Variants in OPHN1 observed in about 807,000 individuals in gnomAD.
The protein encoded by OPHN1 is oligophrenin-1.
A neutral mutation model predicts 60.7 loss-of-function variants in OPHN1; 11 were observed. The ratio of observed to expected loss-of-function variants is 0.18; its 90% confidence interval spans 0.11 to 0.30. OPHN1 has a LOEUF of 0.30. Among genes scored for constraint, OPHN1 ranks in the 10% least tolerant of loss-of-function variants. The probability of loss-of-function intolerance (pLI) is 1.00; values close to 1 mark genes in which losing one functional copy is unlikely to be tolerated. For missense variants in OPHN1, 449 were observed against 611.0 expected (o/e 0.73, Z 2.80); for synonymous variants, 226 against 222.6 (o/e 1.02, Z -0.14).
chrX:68,320,165 C>A (rs1041606865), intron 2 of OPHN1, among the ~76,000 whole-genome samples: 6 of 110,691 alleles, frequency 5.4e-5, no homozygotes, highest in African/African-American at 2.0e-4. Flanking sequence ...GCCTGGCCAA[C>A]ATGGCAAAAC....
intron 6 of OPHN1, among the ~76,000 whole-genome samples, chrX:68,224,229 G>A (rs2077678403): frequency 9.0e-6 from 1 of 111,688 alleles, no homozygotes; most frequent in Non-Finnish European, 1.9e-5. Flanking sequence ...AAATCTAAAA[G>A]AATAGAAATC....
chrX:68,078,080 C>T (rs2076960041), intron 19 of OPHN1, among the ~76,000 whole-genome samples: 1 of 111,624 alleles, frequency 9.0e-6, no homozygotes, highest in African/African-American at 3.3e-5. Flanking sequence ...TCCCCCTTCT[C>T]TCTCTCTCTC....
At chrX:68,257,185 G>C (rs1188804944) in intron 5 of OPHN1, among the ~76,000 whole-genome samples, 1 of 112,145 alleles carries the variant, frequency 8.9e-6, no homozygotes, top group Non-Finnish European at 1.9e-5. Context: ...TCATTACAAT[G>C]GTCTGGAACT....
intron 2 of OPHN1, among the ~76,000 whole-genome samples, chrX:68,426,893 A>C (rs2078861710): frequency 1.1e-5 from 1 of 88,515 alleles, no homozygotes; most frequent in African/African-American, 5.6e-5. Flanking sequence ...AAAACAAACA[A>C]AAAAAAAAAA....
intron 19 of OPHN1, among the ~76,000 whole-genome samples, chrX:68,088,824 C>G (rs750320004): frequency 1.2e-4 from 13 of 110,271 alleles, no homozygotes; most frequent in African/African-American, 3.6e-4. Context: ...GGTAAACTGG[C>G]TTGTTTAGAT....
intron 15 of OPHN1, among the ~76,000 whole-genome samples, chrX:68,186,861 T>G (rs1198129553): frequency 9.0e-6 from 1 of 111,452 alleles, no homozygotes; most frequent in East Asian, 2.8e-4. Context: ...CCTTATGATC[T>G]TATTCAACCC....
intron 2 of OPHN1, among the ~76,000 whole-genome samples, chrX:68,317,935 A>C (rs2078217153): frequency 9.0e-6 from 1 of 111,428 alleles, no homozygotes; most frequent in Non-Finnish European, 1.9e-5. Context: ...ACAAAAAACT[A>C]TACATTGAAC....
chrX:68,347,143 T>C (rs905019953), intron 2 of OPHN1, among the ~76,000 whole-genome samples: 12 of 111,417 alleles, frequency 1.1e-4, no homozygotes, highest in Non-Finnish European at 1.9e-4. Context: ...CTGAGGCTCC[T>C]GCTAGTACCT....
chrX:68,145,076 G>C (rs951823882), intron 15 of OPHN1, among the ~76,000 whole-genome samples: 9 of 111,648 alleles, frequency 8.1e-5, no homozygotes, highest in African/African-American at 2.9e-4. Flanking sequence ...GAAATAATTA[G>C]ATCTAATAAG....
chrX:68,111,985 T>C lies in OPHN1; in HGVS notation c.1421-26A>G, dbSNP rs772442992. On this transcript the variant is annotated intron_variant, in intron 17 of 24. Transcript: ENST00000355520. ...CTGGGATAGAACAGTAAGAGATAAA[T>C]GGTTTGGCTTTCTGGGCAACTGGAT... 5 of 1,079,762 alleles carry C rather than the reference T, an allele frequency of 4.6e-6. No individual in the cohort carries two copies. The East Asian group carries it at 1.5e-4, about 33-fold the overall frequency. The allele number at this position is 1,079,762 out of a possible 1,213,427, so 89.0% of individuals were successfully genotyped here.
intron 5 of OPHN1, among the ~76,000 whole-genome samples, chrX:68,271,381 A>G (rs866979945): frequency 2.8e-4 from 30 of 108,303 alleles, no homozygotes; most frequent in African/African-American, 8.8e-4. Flanking sequence ...CAAAAAAAAA[A>G]AAAAAATTAG....
intron 2 of OPHN1, among the ~76,000 whole-genome samples, chrX:68,415,225 G>T (rs758027642): frequency 9.0e-6 from 1 of 111,667 alleles, no homozygotes; most frequent in Non-Finnish European, 1.9e-5. Context: ...GATTTTGGAG[G>T]CCAGATTGCT....
intron 2 of OPHN1, among the ~76,000 whole-genome samples, chrX:68,389,758 A>G (rs962788909): frequency 1.0e-4 from 11 of 109,100 alleles, no homozygotes; most frequent in African/African-American, 3.3e-4. Context: ...GGACCCTGAG[A>G]GATCTGGGTT....
intron 9 of OPHN1, among the ~76,000 whole-genome samples, chrX:68,209,106 T>C (rs1216007617): frequency 8.9e-6 from 1 of 112,395 alleles, no homozygotes; most frequent in Admixed American, 9.5e-5. Context: ...GTGTGTCCTC[T>C]GTTTATTCCC....
chrX:68,368,124 A>G, intron 2 of OPHN1, among the ~76,000 whole-genome samples: 1 of 111,834 alleles, frequency 8.9e-6, no homozygotes, highest in Middle Eastern at 4.6e-3. Flanking sequence ...AATAACCCTC[A>G]GATGTCTGGG....
At chrX:68,297,727 C>T (rs759314913) in intron 3 of OPHN1, among the ~76,000 whole-genome samples, 85 of 110,992 alleles carry the variant, frequency 7.7e-4, no homozygotes, top group African/African-American at 2.7e-3. Flanking sequence ...CCTTTATGTG[C>T]TGGGAAAACA....
At chrX:68,379,074 G>A (rs1459175781) in intron 2 of OPHN1, among the ~76,000 whole-genome samples, 1 of 110,893 alleles carries the variant, frequency 9.0e-6, no homozygotes, top group African/African-American at 3.3e-5. Flanking sequence ...AGCATGGAAT[G>A]TTCTTCCATT....
intron 12 of OPHN1, among the ~76,000 whole-genome samples, chrX:68,195,003 A>AAAGGAAGGAAGGAACGAAGG (rs2077505654): frequency 1.7e-5 from 1 of 58,740 alleles, no homozygotes; most frequent in Non-Finnish European, 3.2e-5. Flanking sequence ...AGAGAGAAAG[A>AAAGGAAGGAAGGAACGAAGG]AAGGAAGGAA....
chrX:68,322,720 G>T (rs1280115966), intron 2 of OPHN1, among the ~76,000 whole-genome samples: 1 of 111,530 alleles, frequency 9.0e-6, no homozygotes, highest in Non-Finnish European at 1.9e-5. Flanking sequence ...CCGGGAGACG[G>T]AGGTTGCAGT....
Sources: gnomAD v4.1 joint callset for allele counts (sites outside exome capture counted in the v4.1 genomes callset) on GRCh38, gnomAD v4.1.1 for gene constraint, MANE v1.5 for transcripts, NCBI Gene and HGNC (gene_info 2026-07-23, HGNC 2026-07-21) for gene names.